Variants in TNFRSF21 observed in about 807,000 individuals in gnomAD.
The protein encoded by TNFRSF21 is tumor necrosis factor receptor superfamily member 21.
A neutral mutation model predicts 45.6 loss-of-function variants in TNFRSF21; 19 were observed. That is an observed-to-expected ratio of 0.42 (90% CI 0.29 to 0.61). The LOEUF is 0.61. TNFRSF21 is among the 20% of genes least tolerant of loss of function. TNFRSF21 has a pLI of 0.23. For missense variants in TNFRSF21, 737 were observed against 851.5 expected, an observed-to-expected ratio of 0.87 and a Z score of 1.67; for synonymous variants, 314 against 335.5, an observed-to-expected ratio of 0.94 and a Z score of 0.70.
At chr6:47,268,145 A>G (rs193142369) in intron 3 of TNFRSF21, among the ~76,000 whole-genome samples, 206 of 152,348 alleles carry the variant, frequency 1.4e-3, no homozygotes, top group African/African-American at 4.1e-3. Context: ...GAGCCAGTCC[A>G]GGCTCCCCAC....
At position 47,252,379 on chromosome 6, in the gene TNFRSF21, T is replaced by A. The variant is rs371848272; in HGVS notation, c.1509+877A>T. Among the ~76,000 whole-genome samples the A allele has an allele frequency of 9.2e-5, 14 of 152,316 alleles. No individual in the cohort carries two copies. The East Asian group carries it at 1.3e-3, about 15-fold the overall frequency. ...TTGGGAATATGTTCTGAAACCTGAA[T>A]TGAAGTCTGTGGAAAATATGATTCA... On this transcript the variant is annotated intron_variant, in intron 4 of 5. Coordinates refer to ENST00000296861, the MANE Select transcript of TNFRSF21 (RefSeq NM_014452.5).
intron 4 of TNFRSF21, among the ~76,000 whole-genome samples, chr6:47,240,176 C>T (rs1425500979): frequency 1.3e-5 from 2 of 152,142 alleles, no homozygotes; most frequent in Non-Finnish European, 2.9e-5. Context: ...GCCTGATAGT[C>T]CCCAGCAGAA....
intron 1 of TNFRSF21, among the ~76,000 whole-genome samples, chr6:47,289,107 C>T (rs1762686715): frequency 6.6e-6 from 1 of 152,210 alleles, no homozygotes; most frequent in Non-Finnish European, 1.5e-5. Context: ...AAAGTTCCAA[C>T]AGTTTTCACT....
intron 5 of TNFRSF21, 63 bp downstream of exon 5, chr6:47,234,607 C>T: frequency 1.5e-6 from 2 of 1,349,318 alleles, no homozygotes; most frequent in Non-Finnish European, 2.1e-6. Context: ...CGGGGAGGGA[C>T]GAATCCCAGG....
intron 4 of TNFRSF21, among the ~76,000 whole-genome samples, chr6:47,243,556 T>C (rs902411388): frequency 6.6e-6 from 1 of 152,194 alleles, no homozygotes; most frequent in Admixed American, 6.5e-5. Context: ...TAGCTGGGAT[T>C]ACAGGCATGC....
Position 47,286,055 on chromosome 6 carries a change from T to A in TNFRSF21, c.637A>T (p.Thr213Ser). The change falls in exon 2 of 6, where the codon ACA becomes TCA. Residue 213 changes from threonine (T) to serine (S), a missense_variant. Transcript: ENST00000296861. The part of the protein sequence containing the change: ...GTKETDNVCG[T>S]LPSFSSSTSP... ...GTGGAGCTGGAGAAGGACGGGAGTG[T>A]GCCACAGACGTTGTCTGTCTCCTTG... The A allele has an allele frequency of 3.1e-6, 5 of 1,614,198 alleles. No individual in the cohort carries two copies. The highest frequency in any genetic ancestry group is 4.2e-6 in the Non-Finnish European group (5 of 1,180,036).
rs929229419 is a variant in TNFRSF21 at position 47,258,983 on chromosome 6, C to T, written c.1244-5462G>A. Among the ~76,000 whole-genome samples the T allele has an allele frequency of 5.3e-5, 8 of 152,220 alleles. 1 individual carries two copies. Among genetic ancestry groups the T allele is most frequent in the Non-Finnish European group, 1.5e-5 (1 of 68,036 alleles). ...AAGTAGGCTGGATATGGCCCACGGG[C>T]TGTAGTTCACCAGCCCCTGCAATTA... is the stretch of plus-strand genomic sequence containing the variant. On this transcript the variant is annotated intron_variant, in intron 3 of 5. Coordinates refer to ENST00000296861, the MANE Select transcript of TNFRSF21 (RefSeq NM_014452.5).
At chr6:47,236,242 T>A (rs181097051) in intron 4 of TNFRSF21, among the ~76,000 whole-genome samples, 78 of 152,284 alleles carry the variant, frequency 5.1e-4, no homozygotes, top group African/African-American at 1.8e-3. Context: ...TAATTGACTT[T>A]ATCTTTTTAT....
In TNFRSF21 at chr6:47,232,134, A is replaced by G. The variant is rs1764592414; in HGVS notation, c.*631T>C. 1 of 152,436 alleles carries G rather than the reference A, an allele frequency of 6.6e-6. No individual in the cohort carries two copies. The highest frequency in any genetic ancestry group is 1.5e-5 in the Non-Finnish European group (1 of 68,092). The allele number at this position is 152,436 out of a possible 1,614,324, so 9.4% of individuals were successfully genotyped here. On this transcript the variant is annotated 3_prime_UTR_variant, in exon 6 of 6. Transcript: ENST00000296861. ...GCAATAGTGTGGTCAAGTTTCAGCCATGAATATGAACTATACAAGACATAT... is the reference window on the plus strand; with the variant it reads ...GCAATAGTGTGGTCAAGTTTCAGCCGTGAATATGAACTATACAAGACATAT...
intron 1 of TNFRSF21, among the ~76,000 whole-genome samples, chr6:47,299,306 C>G (rs970272658): frequency 6.6e-6 from 1 of 151,966 alleles, no homozygotes; most frequent in East Asian, 1.9e-4. Context: ...GCCAACATGG[C>G]CAACATGGTG....
At chr6:47,276,341 C>T (rs535398789) in intron 3 of TNFRSF21, among the ~76,000 whole-genome samples, 1 of 152,188 alleles carries the variant, frequency 6.6e-6, no homozygotes. Flanking sequence ...TTTTTTGCTC[C>T]CACTCATAGC....
intron 3 of TNFRSF21, among the ~76,000 whole-genome samples, chr6:47,273,850 C>A (rs1762460354): frequency 6.6e-6 from 1 of 152,098 alleles, no homozygotes; most frequent in South Asian, 2.1e-4. Flanking sequence ...CATTAACAGA[C>A]AAATGAGAGC....
At chr6:47,239,146 C>T (rs1764707881) in intron 4 of TNFRSF21, among the ~76,000 whole-genome samples, 2 of 152,030 alleles carry the variant, frequency 1.3e-5, no homozygotes, top group South Asian at 4.1e-4. Context: ...ATTAGCCGGG[C>T]ATGGTGGCAC....
At chr6:47,267,092 CTTTTTTT>C (rs10582640) in intron 3 of TNFRSF21, among the ~76,000 whole-genome samples, 1 of 145,230 alleles carries the variant, frequency 6.9e-6, no homozygotes, top group Non-Finnish European at 1.5e-5. Flanking sequence ...TTTCTTTTTT[CTTTTTTT>C]TTTTTGTTTT....
chr6:47,309,349 C>T, intron 1 of TNFRSF21, 67 bp downstream of exon 1: 2 of 1,482,834 alleles, frequency 1.3e-6, no homozygotes, highest in Non-Finnish European at 1.8e-6. Context: ...GTGACCCGCC[C>T]GGCTCCCGGA....
At chr6:47,242,646 G>A (rs990575671) in intron 4 of TNFRSF21, among the ~76,000 whole-genome samples, 2 of 152,204 alleles carry the variant, frequency 1.3e-5, no homozygotes, top group East Asian at 1.9e-4. Flanking sequence ...GCCCCGCCCC[G>A]CTACCGGCAC....
At chr6:47,260,559 C>T (rs1193636126) in intron 3 of TNFRSF21, among the ~76,000 whole-genome samples, 3 of 152,188 alleles carry the variant, frequency 2.0e-5, no homozygotes, top group Non-Finnish European at 4.4e-5. Context: ...TGGGTTCCTT[C>T]TCTTTTAATA....
At chr6:47,292,540 ATCT>A (rs1762742826) in intron 1 of TNFRSF21, among the ~76,000 whole-genome samples, 2 of 152,172 alleles carry the variant, frequency 1.3e-5, no homozygotes, top group South Asian at 4.2e-4. Context: ...AAGGGCTCTA[ATCT>A]TCTCTGATTC....
chr6:47,296,699 T>C (rs966422587), intron 1 of TNFRSF21, among the ~76,000 whole-genome samples: 1 of 152,206 alleles, frequency 6.6e-6, no homozygotes, highest in Non-Finnish European at 1.5e-5. Context: ...GGAGAGCTTC[T>C]GGACAGCTGA....
Sources: allele counts gnomAD v4.1 joint callset (sites outside exome capture counted in the v4.1 genomes callset), GRCh38; gene constraint gnomAD v4.1.1; transcripts MANE v1.5; gene names NCBI Gene and HGNC (gene_info 2026-07-23, HGNC 2026-07-21).